The following CSRNP3 variants were observed in gnomAD, a reference collection of about 807,000 sequenced individuals.
The protein encoded by CSRNP3 is cysteine and serine rich nuclear protein 3.
In CSRNP3, 12 loss-of-function variants were observed where a neutral mutation model predicts 48.0. That is an observed-to-expected ratio of 0.25 (90% CI 0.16 to 0.41). The LOEUF (loss-of-function observed/expected upper bound fraction) is 0.41, where lower values mean the gene tolerates loss of function less well. Among genes scored for constraint, CSRNP3 ranks in the 10% least tolerant of loss-of-function variants. The pLI, the probability that CSRNP3 is intolerant of heterozygous loss-of-function variation, is 1.00. For missense variants in CSRNP3, 580 were observed against 724.4 expected, an observed-to-expected ratio of 0.80 and a Z score of 2.29; for synonymous variants, 263 against 269.7, an observed-to-expected ratio of 0.98 and a Z score of 0.24.
At chr2:165,539,282 G>A (rs986558430) in intron 3 of CSRNP3, among the ~76,000 whole-genome samples, 3 of 151,862 alleles carry the variant, frequency 2.0e-5, no homozygotes, top group Admixed American at 6.6e-5. Flanking sequence ...TAGGGAAGCA[G>A]GAATAGACAA....
At chr2:165,574,896 T>G (rs1027271146) in intron 3 of CSRNP3, among the ~76,000 whole-genome samples, 9 of 152,164 alleles carry the variant, frequency 5.9e-5, no homozygotes, top group African/African-American at 1.9e-4. Flanking sequence ...TAAGTATATT[T>G]TCATTCCATT....
intron 2 of CSRNP3, among the ~76,000 whole-genome samples, chr2:165,503,032 A>G (rs1488050439): frequency 6.6e-6 from 1 of 151,816 alleles, no homozygotes; most frequent in African/African-American, 2.4e-5. Context: ...AGGATTAGTT[A>G]TTTGGTGAAT....
chr2:165,543,709 G>A (rs868068560), intron 3 of CSRNP3, among the ~76,000 whole-genome samples: 1 of 151,832 alleles, frequency 6.6e-6, no homozygotes, highest in South Asian at 2.1e-4. Flanking sequence ...CATTTATAGG[G>A]TACATGAGAT....
intron 3 of CSRNP3, among the ~76,000 whole-genome samples, chr2:165,568,959 C>T (rs921110422): frequency 3.3e-5 from 5 of 151,918 alleles, no homozygotes; most frequent in Non-Finnish European, 5.9e-5. Context: ...TACATATTCA[C>T]ACAATAAAAT....
At chr2:165,523,185 C>T (rs1438833159) in intron 3 of CSRNP3, among the ~76,000 whole-genome samples, 1 of 152,106 alleles carries the variant, frequency 6.6e-6, no homozygotes, top group Non-Finnish European at 1.5e-5. Flanking sequence ...GGAGTCCTTC[C>T]TGCTATTCAA....
At chr2:165,552,264 A>G (rs568553127) in intron 3 of CSRNP3, among the ~76,000 whole-genome samples, 12 of 152,370 alleles carry the variant, frequency 7.9e-5, no homozygotes, top group African/African-American at 2.9e-4. Flanking sequence ...TAAATGTGTT[A>G]TATAGTAAAA....
chr2:165,557,301 C>T (rs1291979204), intron 3 of CSRNP3, among the ~76,000 whole-genome samples: 1 of 152,184 alleles, frequency 6.6e-6, no homozygotes, highest in African/African-American at 2.4e-5. Flanking sequence ...CAGCTGCCTT[C>T]GCATTAAAAC....
chr2:165,499,071 C>T (rs1282089330), intron 2 of CSRNP3, among the ~76,000 whole-genome samples: 1 of 152,158 alleles, frequency 6.6e-6, no homozygotes. Context: ...GTCCATCTAG[C>T]AGTGGTCACA....
intron 3 of CSRNP3, among the ~76,000 whole-genome samples, chr2:165,553,857 A>G (rs539351118): frequency 6.6e-6 from 1 of 152,244 alleles, no homozygotes; most frequent in African/African-American, 2.4e-5. Flanking sequence ...ATCAGCATAT[A>G]AATATACTGG....
rs190432474 is a variant in CSRNP3, at chr2:165,545,830, G to T, written c.-24+27869G>T. 2.3e-3 allele frequency among the ~76,000 whole-genome samples: 345 copies of T among 152,148 alleles called. 4 individuals carry two copies. The highest frequency in any genetic ancestry group is 3.8e-3 in the Non-Finnish European group (255 of 67,980). ...TTTAAATTAAATAATAAACATTGCT[G>T]ATCTTAAAGAGAGAAATAGATCCAG... On this transcript the variant is annotated intron_variant, in intron 3 of 6. Coordinates refer to ENST00000651982, the MANE Select transcript of CSRNP3 (RefSeq NM_001172173.2).
At position 165,679,095 on chromosome 2, in the gene CSRNP3, G is replaced by A; in HGVS notation, c.1100G>A (p.Ser367Asn). 1.2e-6 allele frequency: 2 copies of A among 1,613,688 alleles called. No individual in the cohort carries two copies. The highest frequency in any genetic ancestry group is 1.7e-6 in the Non-Finnish European group (2 of 1,179,836). The change falls in exon 7 of 7, where the codon AGT (serine) becomes AAT (asparagine). Residue 367 changes from serine (S) to asparagine (N), a missense_variant. This residue lies in a region of CSRNP3 where 369 missense variants were observed against 380.8 expected (regional missense o/e 0.97). Transcript: ENST00000651982. ...TDSSTQSLAPSESDEEEEEEE... is the reference protein window; with the variant it reads ...TDSSTQSLAPNESDEEEEEEE... ...TCTAGCACGCAAAGCTTGGCACCTA[G>A]TGAGTCAGACGAGGAGGAGGAGGAA...
chr2:165,582,786 G>A (rs948839059), intron 3 of CSRNP3, among the ~76,000 whole-genome samples: 1 of 152,018 alleles, frequency 6.6e-6, no homozygotes, highest in Non-Finnish European at 1.5e-5. Context: ...CTTTTTTCTG[G>A]GGAAAGTGTT....
intron 3 of CSRNP3, among the ~76,000 whole-genome samples, chr2:165,572,793 C>T (rs1685392731): frequency 6.6e-6 from 1 of 152,092 alleles, no homozygotes; most frequent in Non-Finnish European, 1.5e-5. Flanking sequence ...TTATATTAAA[C>T]TGAAAAGTTA....
intron 6 of CSRNP3, among the ~76,000 whole-genome samples, chr2:165,676,925 T>C (rs922469389): frequency 6.6e-6 from 1 of 152,236 alleles, no homozygotes; most frequent in African/African-American, 2.4e-5. Flanking sequence ...TTTACCAATG[T>C]TGAAGGAGAT....
intron 3 of CSRNP3, among the ~76,000 whole-genome samples, chr2:165,518,168 T>C (rs1274146219): frequency 1.3e-5 from 2 of 152,000 alleles, no homozygotes; most frequent in Non-Finnish European, 2.9e-5. Context: ...GTTGTCTTAA[T>C]AGAGAACTAC....
chr2:165,502,844 A>G (rs1386654832), intron 2 of CSRNP3, among the ~76,000 whole-genome samples: 1 of 151,942 alleles, frequency 6.6e-6, no homozygotes, highest in Non-Finnish European at 1.5e-5. Context: ...ATAGATTAAT[A>G]TGATTAGTGA....
At chr2:165,669,014 A>T (rs796148655) in intron 5 of CSRNP3, among the ~76,000 whole-genome samples, 1 of 152,350 alleles carries the variant, frequency 6.6e-6, no homozygotes, top group African/African-American at 2.4e-5. Context: ...ATTTTACTTT[A>T]TAAGATTGTC....
chr2:165,674,771 G>A (rs983812795), intron 5 of CSRNP3, among the ~76,000 whole-genome samples: 2 of 147,024 alleles, frequency 1.4e-5, no homozygotes, highest in Admixed American at 6.9e-5. Flanking sequence ...GAATGCAGTG[G>A]TGCAATCATG....
At position 165,678,701 on chromosome 2, in the gene CSRNP3, G is replaced by A. The variant is rs1236983135; in HGVS notation, c.706G>A (p.Val236Met). 1 of 1,612,510 alleles carries A rather than the reference G, an allele frequency of 6.2e-7. No homozygotes were observed. Among genetic ancestry groups the A allele is most frequent in the South Asian group, 1.1e-5 (1 of 90,912 alleles). The change falls in exon 7 of 7, where the codon GTG becomes ATG. Residue 236 changes from valine (V) to methionine (M), a missense_variant and splice_region_variant. By Grantham distance (21) the Val-to-Met change is conservative (BLOSUM62 1). Transcript: ENST00000651982. ...TCSLAGIKCQVDRMSFPCGCT... is the reference protein window; with the variant it reads ...TCSLAGIKCQMDRMSFPCGCT... Reference sequence around the variant, plus strand: ...GCTAATCTGTGTTCTTCCTTCCAAGGTGGATCGTATGTCTTTCCCATGCGG... The same window carrying A: ...GCTAATCTGTGTTCTTCCTTCCAAGATGGATCGTATGTCTTTCCCATGCGG...
Sources: allele counts gnomAD v4.1 joint callset (sites outside exome capture counted in the v4.1 genomes callset), GRCh38; gene constraint gnomAD v4.1.1; regional missense constraint gnomAD v4.1.1; transcripts MANE v1.5; gene names NCBI Gene and HGNC (gene_info 2026-07-23, HGNC 2026-07-21).